The following SPAG1 variants were observed in gnomAD, a reference collection of about 807,000 sequenced individuals.
The protein encoded by SPAG1 is sperm associated antigen 1.
Under a neutral mutation model 100.5 loss-of-function variants are expected in SPAG1, and 69 were observed. The observed-to-expected ratio is 0.69, with a 90% CI of 0.57 to 0.84. The LOEUF is 0.84. Among genes scored for constraint, SPAG1 ranks in the 40% least tolerant of loss-of-function variants. The probability of loss-of-function intolerance (pLI) is 0.00; values close to 1 mark genes in which losing one functional copy is unlikely to be tolerated. For synonymous variants in SPAG1, 336 were observed against 411.6 expected, an observed-to-expected ratio of 0.82 and a Z score of 2.22; for missense variants, 955 against 1,133.1, an observed-to-expected ratio of 0.84 and a Z score of 2.26.
chr8:100,220,780 T>A (rs3020182), intron 13 of SPAG1, among the ~76,000 whole-genome samples: 1 of 152,014 alleles, frequency 6.6e-6, no homozygotes, highest in African/African-American at 2.4e-5. Flanking sequence ...TATCATAAAA[T>A]CAGTACTAGT....
At chr8:100,169,454 A>G (rs561181166) in intron 3 of SPAG1, among the ~76,000 whole-genome samples, 1 of 152,288 alleles carries the variant, frequency 6.6e-6, no homozygotes, top group South Asian at 2.1e-4. Context: ...TAAAAAATCA[A>G]CTGGGCTGAG....
chr8:100,200,708 C>A (rs1462606318), intron 10 of SPAG1, among the ~76,000 whole-genome samples: 1 of 152,206 alleles, frequency 6.6e-6, no homozygotes, highest in African/African-American at 2.4e-5. Context: ...TGATGATGAG[C>A]ATTTTTTCAT....
intron 16 of SPAG1, among the ~76,000 whole-genome samples, chr8:100,236,921 A>C (rs940459290): frequency 6.6e-6 from 1 of 152,192 alleles, no homozygotes; most frequent in Non-Finnish European, 1.5e-5. Flanking sequence ...AATATCATAA[A>C]ATAACTATTG....
chr8:100,221,715 T>A (rs1818289910), intron 13 of SPAG1, among the ~76,000 whole-genome samples: 1 of 152,156 alleles, frequency 6.6e-6, no homozygotes, highest in Non-Finnish European at 1.5e-5. Flanking sequence ...GCCACCTGTG[T>A]CTGTATGGGC....
chr8:100,213,437 G>A lies in SPAG1; in HGVS notation c.1435+9G>A. 2 of 1,384,242 alleles carry A rather than the reference G, an allele frequency of 1.4e-6. No individual in the cohort carries two copies. Among genetic ancestry groups the A allele is most frequent in the Non-Finnish European group, 1.9e-6 (2 of 1,071,734 alleles). 85.7% of individuals were successfully genotyped at this position (1,384,242 alleles called of 1,614,324 possible). ...GCTCCTGGAGCCAGCAGGTAGGTGC[G>A]CCGCGCCCCGCCGCTTCCTGGGCCC... is the stretch of plus-strand genomic sequence containing the variant. On this transcript the variant is annotated intron_variant, in intron 11 of 18. Transcript: ENST00000388798.
At position 100,172,769 on chromosome 8, in the gene SPAG1, T is replaced by G. The variant is rs115163915; in HGVS notation, c.301-5047T>G. Among the ~76,000 whole-genome samples the G allele has an allele frequency of 6.5e-3, 990 of 152,066 alleles. 12 individuals are homozygous for G. The highest frequency in any genetic ancestry group is 0.023 in the African/African-American group (938 of 41,464). ...TTGGTTTACTTTATTTTATTTATAT[T>G]TTTCTGGGGTTAAAAACAATTTTAA... On this transcript the variant is annotated intron_variant, in intron 3 of 18. Transcript: ENST00000388798.
intron 1 of SPAG1, among the ~76,000 whole-genome samples, chr8:100,159,962 TGGCA>T (rs1815233312): frequency 6.6e-6 from 1 of 152,228 alleles, no homozygotes; most frequent in Non-Finnish European, 1.5e-5. Flanking sequence ...AGATAAGCTA[TGGCA>T]CATGGTAATT....
intron 9 of SPAG1, among the ~76,000 whole-genome samples, chr8:100,193,686 G>T (rs910414070): frequency 1.3e-5 from 2 of 152,210 alleles, no homozygotes; most frequent in African/African-American, 2.4e-5. Context: ...GGAGGCTGAG[G>T]TGAGAGGATT....
At position 100,239,589 on chromosome 8, in the gene SPAG1, A is replaced by T. The variant is rs529190584; in HGVS notation, c.2280+185A>T. Among the ~76,000 whole-genome samples, 2 of 152,184 alleles carry T rather than the reference A, an allele frequency of 1.3e-5. No homozygotes were observed. Among genetic ancestry groups the T allele is most frequent in the African/African-American group, 4.8e-5 (2 of 41,444 alleles). On this transcript the variant is annotated intron_variant, in intron 17 of 18. Coordinates refer to ENST00000388798, the MANE Select transcript of SPAG1 (RefSeq NM_003114.5). The surrounding 1 kb of genome is among the most constrained non-coding windows in gnomAD (Gnocchi z 5.0). The stretch of plus-strand genomic sequence containing the variant: ...TGATAATTAGCCATTGTATTTCCCA[A>T]CGTGGGTCCATGGATGGTACTGGGA...
At chr8:100,188,735 A>C (rs568431155) in intron 8 of SPAG1, among the ~76,000 whole-genome samples, 1 of 152,352 alleles carries the variant, frequency 6.6e-6, no homozygotes, top group East Asian at 1.9e-4. Flanking sequence ...AAATAAATAT[A>C]AACACTTTTT....
chr8:100,235,169 C>T (rs192262261), intron 16 of SPAG1, among the ~76,000 whole-genome samples: 1 of 152,304 alleles, frequency 6.6e-6, no homozygotes, highest in East Asian at 1.9e-4. Context: ...TTGCTGTCCT[C>T]TCCCTGGGTC....
chr8:100,215,383 A>T (rs1030353557), intron 12 of SPAG1, among the ~76,000 whole-genome samples: 5 of 152,170 alleles, frequency 3.3e-5, no homozygotes, highest in Non-Finnish European at 5.9e-5. Context: ...AGAAGAAGTC[A>T]TGTCCTAGTT....
intron 3 of SPAG1, among the ~76,000 whole-genome samples, chr8:100,176,059 CAAG>C (rs1459520202): frequency 6.6e-6 from 1 of 152,050 alleles, no homozygotes; most frequent in Non-Finnish European, 1.5e-5. Context: ...TTTTTTTCCC[CAAG>C]AATACAGCAC....
intron 8 of SPAG1, among the ~76,000 whole-genome samples, chr8:100,189,025 C>T (rs937648516): frequency 6.6e-6 from 1 of 152,190 alleles, no homozygotes; most frequent in Non-Finnish European, 1.5e-5. Flanking sequence ...CATGTATTAA[C>T]TCTGTTAATT....
In SPAG1 at chr8:100,211,915, G is replaced by A. The variant is rs375096793; in HGVS notation, c.1097-1175G>A. The stretch of plus-strand genomic sequence containing the variant: ...GGAAAGTAATACCAAGCTGACCATT[G>A]TTTCTGCCGACCCTGACTTTTGTGC... On this transcript the variant is annotated intron_variant, in intron 10 of 18. Transcript: ENST00000388798. Among the ~76,000 whole-genome samples the A allele has an allele frequency of 2.5e-4, 38 of 152,326 alleles. No homozygotes were observed. In the East Asian group the frequency reaches 5.0e-3, roughly 20 times the overall value.
intron 2 of SPAG1, among the ~76,000 whole-genome samples, chr8:100,163,007 G>C (rs960288158): frequency 6.6e-6 from 1 of 151,984 alleles, no homozygotes; most frequent in Admixed American, 6.6e-5. Context: ...TAGGAGGTAA[G>C]CTTATCTCAC....
At chr8:100,218,369 C>G (rs1343523666) in intron 12 of SPAG1, among the ~76,000 whole-genome samples, 5 of 152,194 alleles carry the variant, frequency 3.3e-5, no homozygotes, top group Non-Finnish European at 5.9e-5. Context: ...AGATCCCAAG[C>G]TTGGCTTAAG....
intron 9 of SPAG1, among the ~76,000 whole-genome samples, chr8:100,192,802 G>A (rs573904098): frequency 1.9e-4 from 29 of 152,246 alleles, no homozygotes; most frequent in Admixed American, 1.8e-3. Flanking sequence ...ATGGCTCACT[G>A]CAGCCTCCAC....
At chr8:100,177,433 T>G (rs888720790) in intron 3 of SPAG1, among the ~76,000 whole-genome samples, 1 of 152,148 alleles carries the variant, frequency 6.6e-6, no homozygotes, top group Non-Finnish European at 1.5e-5. Context: ...TTTTTTTTTT[T>G]ACATTTCTCT....
Sources: allele counts gnomAD v4.1 joint callset (sites outside exome capture counted in the v4.1 genomes callset), GRCh38; gene constraint gnomAD v4.1.1; non-coding constraint Gnocchi (gnomAD v3.1); transcripts MANE v1.5; gene names NCBI Gene and HGNC (gene_info 2026-07-23, HGNC 2026-07-21).